The following SHOC2 variants were observed in gnomAD, a reference collection of about 807,000 sequenced individuals.
SHOC2 encodes SHOC2 leucine rich repeat scaffold protein, also known as leucine-rich repeat protein SHOC-2.
A neutral mutation model predicts 50.2 loss-of-function variants in SHOC2; 4 were observed. The observed-to-expected ratio is 0.08, with a 90% CI of 0.04 to 0.18. SHOC2 has a LOEUF of 0.18. Among genes scored for constraint, SHOC2 ranks in the 10% least tolerant of loss-of-function variants. The pLI is 1.00. For missense variants in SHOC2, 388 were observed against 669.6 expected, an observed-to-expected ratio of 0.58 and a Z score of 4.64; for synonymous variants, 218 against 244.5, an observed-to-expected ratio of 0.89 and a Z score of 1.01.
At chr10:110,991,135 T>C (rs955439157) in intron 3 of SHOC2, among the ~76,000 whole-genome samples, 2 of 152,180 alleles carry the variant, frequency 1.3e-5, no homozygotes, top group African/African-American at 2.4e-5. Context: ...AATATTTTTA[T>C]ATATGTGTCT....
At chr10:110,980,166 T>A (rs1028204499) in intron 2 of SHOC2, among the ~76,000 whole-genome samples, 1 of 151,268 alleles carries the variant, frequency 6.6e-6, no homozygotes, top group Non-Finnish European at 1.5e-5. Flanking sequence ...CACTTTTTTT[T>A]TTTTTTTTTT....
intron 2 of SHOC2, among the ~76,000 whole-genome samples, chr10:110,982,305 G>A (rs1300425394): frequency 4.6e-5 from 7 of 150,682 alleles, no homozygotes; most frequent in South Asian, 2.1e-4. Context: ...GAATAATGCC[G>A]CAATAAACAT....
At chr10:110,975,280 C>A (rs372475510) in intron 2 of SHOC2, among the ~76,000 whole-genome samples, 2 of 152,028 alleles carry the variant, frequency 1.3e-5, no homozygotes, top group African/African-American at 2.4e-5. Flanking sequence ...CTCAGTCTCC[C>A]CAGTAGCTGG....
chr10:110,985,441 A>G (rs1205244761), intron 2 of SHOC2, among the ~76,000 whole-genome samples, 187 bp from the exon 3 acceptor site: 1 of 151,934 alleles, frequency 6.6e-6, no homozygotes, highest in Non-Finnish European at 1.5e-5. Context: ...AGAAGTTTTT[A>G]TTTTCTGGCA....
chr10:110,961,624 G>GTA (rs1847573736), intron 1 of SHOC2, among the ~76,000 whole-genome samples: 1 of 152,094 alleles, frequency 6.6e-6, no homozygotes, highest in African/African-American at 2.4e-5. Context: ...AATCTCATTA[G>GTA]GTACAAGTGC....
At chr10:110,930,151 TAAACC>T (rs1388474343) in intron 1 of SHOC2, among the ~76,000 whole-genome samples, 2 of 152,232 alleles carry the variant, frequency 1.3e-5, no homozygotes, top group African/African-American at 2.4e-5. Flanking sequence ...TTCTATTTAA[TAAACC>T]AAACTGTCAG....
chr10:110,952,445 A>G (rs2036775840), intron 1 of SHOC2, among the ~76,000 whole-genome samples: 1 of 152,214 alleles, frequency 6.6e-6, no homozygotes, highest in Admixed American at 6.5e-5. Flanking sequence ...GTAATGACAT[A>G]TAACTATCAC....
chr10:111,000,159 C>A (rs192196299), intron 3 of SHOC2, among the ~76,000 whole-genome samples: 1 of 152,082 alleles, frequency 6.6e-6, no homozygotes, highest in Non-Finnish European at 1.5e-5. Context: ...TATGCCAATA[C>A]TTTATCTAAT....
intron 1 of SHOC2, among the ~76,000 whole-genome samples, chr10:110,963,075 C>T (rs1190949753): frequency 6.6e-6 from 1 of 152,120 alleles, no homozygotes; most frequent in African/African-American, 2.4e-5. Flanking sequence ...CTGTTTTAAC[C>T]TCTTAAGCTA....
intron 2 of SHOC2, among the ~76,000 whole-genome samples, chr10:110,980,238 G>C (rs564293071): frequency 1.8e-3 from 270 of 149,820 alleles, no homozygotes; most frequent in African/African-American, 6.5e-3. Flanking sequence ...CTCACTGCAA[G>C]CTCCGCCTCC....
chr10:110,983,236 T>C (rs1281702358), intron 2 of SHOC2, among the ~76,000 whole-genome samples: 1 of 152,140 alleles, frequency 6.6e-6, no homozygotes, highest in African/African-American at 2.4e-5. Context: ...TTGTAAGTCA[T>C]GGCAGAGGGC....
In SHOC2 at chr10:111,007,656, T is replaced by TA; in HGVS notation, c.1284+4dup. On this transcript the variant is annotated splice_donor_region_variant and intron_variant, in intron 6 of 8. Transcript: ENST00000369452. Reference sequence around the variant, plus strand: ...TGTCTGGTCTCGTTTCTCTTGAGGTTAGTATAAATGAGCAATTAGAGAACT... The same window carrying TA: ...TGTCTGGTCTCGTTTCTCTTGAGGTTAAGTATAAATGAGCAATTAGAGAACT... 1.2e-6 allele frequency: 2 copies of TA among 1,613,488 alleles called. No individual in the cohort carries two copies. The highest frequency in any genetic ancestry group is 2.2e-5 in the South Asian group (2 of 91,074).
rs888963635 is a variant in SHOC2 at position 111,013,584 on chromosome 10, T to C, written c.*1766T>C. The C allele has an allele frequency of 4.7e-5, 7 of 148,842 alleles. No homozygotes were observed. Among genetic ancestry groups the C allele is most frequent in the African/African-American group, 1.5e-4 (6 of 40,328 alleles). The allele number at this position is 148,842 out of a possible 1,614,324, so 9.2% of individuals were successfully genotyped here. The stretch of plus-strand genomic sequence containing the variant: ...GGATTTTACCAAGTAATATCCTTTC[T>C]TTTTTTTTTCCCCCCATCTGCTGTG... On this transcript the variant is annotated 3_prime_UTR_variant, in exon 9 of 9. Transcript: ENST00000369452.
intron 1 of SHOC2, among the ~76,000 whole-genome samples, chr10:110,931,352 A>G (rs1846892959): frequency 1.3e-5 from 2 of 152,150 alleles, no homozygotes; most frequent in African/African-American, 2.4e-5. Context: ...TCTGTAAACA[A>G]TAACATTCTT....
chr10:110,958,406 G>A (rs945017828), intron 1 of SHOC2, among the ~76,000 whole-genome samples: 2 of 151,966 alleles, frequency 1.3e-5, no homozygotes, highest in Non-Finnish European at 2.9e-5. Flanking sequence ...TAGAGACGGG[G>A]TTTCACCATG....
At position 110,948,655 on chromosome 10, in the gene SHOC2, A is replaced by G. The variant is rs185879068; in HGVS notation, c.-234-15470A>G. Among the ~76,000 whole-genome samples, 4 of 152,334 alleles carry G rather than the reference A, an allele frequency of 2.6e-5. No homozygotes were observed. In the East Asian group the frequency reaches 7.7e-4, roughly 29 times the overall value. On this transcript the variant is annotated intron_variant, in intron 1 of 8. Coordinates refer to ENST00000369452, the MANE Select transcript of SHOC2 (RefSeq NM_007373.4). Reference sequence around the variant, plus strand: ...AACCAGTGGATCAAAGAAAAAAGGGACATTTGAAAAGGTGTCTCGAGACAA... The same window carrying G: ...AACCAGTGGATCAAAGAAAAAAGGGGCATTTGAAAAGGTGTCTCGAGACAA...
At position 111,007,688 on chromosome 10, in the gene SHOC2, C is replaced by A. The variant is rs1234832805; in HGVS notation, c.1284+35C>A. On this transcript the variant is annotated intron_variant, in intron 6 of 8. Coordinates refer to ENST00000369452, the MANE Select transcript of SHOC2 (RefSeq NM_007373.4). ...AATGAGCAATTAGAGAACTTCAGAACCTTCCATACGTATCTCATTTAAAAA... is the reference window on the plus strand; with the variant it reads ...AATGAGCAATTAGAGAACTTCAGAAACTTCCATACGTATCTCATTTAAAAA... 1.9e-6 allele frequency: 3 copies of A among 1,606,914 alleles called. No homozygotes were observed. The East Asian group carries it at 6.7e-5, about 36-fold the overall frequency.
chr10:110,944,810 G>C (rs1310084185), intron 1 of SHOC2, among the ~76,000 whole-genome samples: 1 of 152,172 alleles, frequency 6.6e-6, no homozygotes, highest in Non-Finnish European at 1.5e-5. Context: ...GCTAATGACT[G>C]GACAAAGATT....
intron 4 of SHOC2, among the ~76,000 whole-genome samples, chr10:111,002,603 A>G (rs919719270): frequency 1.3e-5 from 2 of 152,218 alleles, no homozygotes; most frequent in Non-Finnish European, 2.9e-5. Flanking sequence ...GAGTATCCTC[A>G]TCAAACAGAT....
Sources: gnomAD v4.1 joint callset for allele counts (sites outside exome capture counted in the v4.1 genomes callset) on GRCh38, gnomAD v4.1.1 for gene constraint, MANE v1.5 for transcripts, NCBI Gene and HGNC (gene_info 2026-07-23, HGNC 2026-07-21) for gene names.